CSMD1: variants seen among roughly 807,000 people sequenced by gnomAD.
The protein encoded by CSMD1 is CUB and Sushi multiple domains 1.
Under a neutral mutation model 417.5 loss-of-function variants are expected in CSMD1, and 213 were observed. The observed-to-expected ratio is 0.51, with a 90% CI of 0.46 to 0.57. The LOEUF (loss-of-function observed/expected upper bound fraction) is 0.57. Ranked by LOEUF, CSMD1 falls within the 20% of genes least tolerant of loss-of-function variation. CSMD1 has a pLI of 0.00. For missense variants in CSMD1, 6,923 were observed against 4,529.7 expected, an observed-to-expected ratio of 1.53 and a Z score of -15.17; for synonymous variants, 2,862 against 1,736.8, an observed-to-expected ratio of 1.65 and a Z score of -16.11.
intron 3 of CSMD1, among the ~76,000 whole-genome samples, chr8:4,158,665 T>A (rs1286005804): frequency 6.6e-6 from 1 of 152,148 alleles, no homozygotes; most frequent in African/African-American, 2.4e-5. Context: ...ATCAACGCCG[T>A]AATAATGAGT....
intron 2 of CSMD1, among the ~76,000 whole-genome samples, chr8:4,614,633 G>A (rs367663131): frequency 1.3e-4 from 20 of 151,786 alleles, no homozygotes; most frequent in African/African-American, 4.4e-4. Context: ...ACACGTACAC[G>A]TACACACACA....
At chr8:3,237,759 C>T (rs201818386) in intron 26 of CSMD1, among the ~76,000 whole-genome samples, 2,302 of 19,432 alleles carry the variant, frequency 0.12, 389 homozygotes, top group East Asian at 0.25. Flanking sequence ...ACTTATACTA[C>T]AAATATAATT....
intron 2 of CSMD1, among the ~76,000 whole-genome samples, chr8:4,544,452 T>G (rs775495777): frequency 2.0e-5 from 3 of 152,148 alleles, no homozygotes; most frequent in South Asian, 2.1e-4. Context: ...TGTAGTTTAC[T>G]CTTTCCTTGT....
intron 6 of CSMD1, among the ~76,000 whole-genome samples, chr8:3,743,220 T>G (rs1441048912): frequency 6.6e-6 from 1 of 152,210 alleles, no homozygotes; most frequent in East Asian, 1.9e-4. Flanking sequence ...CTGCCCTTTT[T>G]TTGTGGTTTT....
intron 1 of CSMD1, among the ~76,000 whole-genome samples, chr8:4,700,467 G>T (rs1807451873): frequency 6.6e-6 from 1 of 152,034 alleles, no homozygotes; most frequent in Non-Finnish European, 1.5e-5. Flanking sequence ...GAAACAACCT[G>T]CATATTCTTT....
chr8:3,639,666 G>C (rs887180640), intron 7 of CSMD1, among the ~76,000 whole-genome samples: 2 of 152,112 alleles, frequency 1.3e-5, no homozygotes, highest in African/African-American at 2.4e-5. Context: ...AACATAAGTG[G>C]AATGATGTAT....
chr8:4,388,136 A>C (rs1346100025), intron 3 of CSMD1, among the ~76,000 whole-genome samples: 2 of 152,178 alleles, frequency 1.3e-5, no homozygotes, highest in Non-Finnish European at 1.5e-5. Context: ...TAATTATTTA[A>C]AAACTTACTT....
chr8:3,737,656 T>A (rs1013414842), intron 6 of CSMD1, among the ~76,000 whole-genome samples: 2 of 152,188 alleles, frequency 1.3e-5, no homozygotes, highest in South Asian at 2.1e-4. Context: ...GCCCCAACAA[T>A]CCACACTGAC....
At chr8:3,360,139 T>C (rs1242266597) in intron 20 of CSMD1, among the ~76,000 whole-genome samples, 4 of 152,208 alleles carry the variant, frequency 2.6e-5, no homozygotes, top group Non-Finnish European at 5.9e-5. Context: ...CAGTGGAATT[T>C]TCCTCTGTTT....
chr8:2,974,232 G>A (rs189840835), intron 56 of CSMD1, among the ~76,000 whole-genome samples: 3 of 152,312 alleles, frequency 2.0e-5, no homozygotes, highest in East Asian at 1.9e-4. Context: ...TGAGAACCCC[G>A]GAGGAGAACA....
chr8:4,616,649 A>G (rs1480178178), intron 2 of CSMD1, among the ~76,000 whole-genome samples: 1 of 152,194 alleles, frequency 6.6e-6, no homozygotes, highest in East Asian at 1.9e-4. Context: ...GGACATGCCA[A>G]CGCTTGAGAA....
intron 27 of CSMD1, 86 bp from the exon 28 acceptor site, chr8:3,223,953 C>T: frequency 7.4e-7 from 1 of 1,357,106 alleles, no homozygotes; most frequent in Non-Finnish European, 1.0e-6. Flanking sequence ...CCACAGAATT[C>T]TTTAAGAAAA....
chr8:4,735,014 T>C (rs1177889917), intron 1 of CSMD1, among the ~76,000 whole-genome samples: 1 of 152,206 alleles, frequency 6.6e-6, no homozygotes, highest in Non-Finnish European at 1.5e-5. Context: ...GCTCGGGTTG[T>C]TTGAAATCAC....
At chr8:4,104,444 A>G (rs1229282930) in intron 3 of CSMD1, among the ~76,000 whole-genome samples, 2 of 151,686 alleles carry the variant, frequency 1.3e-5, no homozygotes, top group African/African-American at 4.9e-5. Flanking sequence ...GCATGCACAC[A>G]CACACACAGG....
chr8:4,857,785 C>A (rs993106263), intron 1 of CSMD1, among the ~76,000 whole-genome samples: 2 of 151,816 alleles, frequency 1.3e-5, no homozygotes, highest in Non-Finnish European at 2.9e-5. Context: ...GCTTACCAAC[C>A]AAAAAGAGTC....
rs528801806 is a variant in CSMD1, at chr8:3,976,815, G to A, written c.818+21088C>T. On this transcript the variant is annotated intron_variant, in intron 5 of 69. Transcript: ENST00000635120. ...CTCAAGGTCGCATGCCTGTAGAATA[G>A]CATCTGTGACCTCAACCACTGCACT... Among the ~76,000 whole-genome samples, 24 of 152,284 alleles carry A rather than the reference G, an allele frequency of 1.6e-4. No homozygotes were observed. In the South Asian group the frequency reaches 4.4e-3, roughly 28 times the overall value.
intron 1 of CSMD1, among the ~76,000 whole-genome samples, chr8:4,988,970 C>G (rs148566248): frequency 8.5e-5 from 13 of 152,304 alleles, no homozygotes; most frequent in Admixed American, 3.9e-4. Flanking sequence ...GTATCAAGGA[C>G]TAAAGTCCAT....
chr8:3,776,249 G>A (rs895687047), intron 5 of CSMD1, among the ~76,000 whole-genome samples: 2 of 152,136 alleles, frequency 1.3e-5, no homozygotes, highest in Non-Finnish European at 2.9e-5. Flanking sequence ...CAGCCTCCCT[G>A]CTTCTATCCT....
intron 2 of CSMD1, among the ~76,000 whole-genome samples, chr8:4,441,625 T>A (rs1418428049): frequency 6.6e-6 from 1 of 152,180 alleles, no homozygotes; most frequent in African/African-American, 2.4e-5. Flanking sequence ...CTTCACCACC[T>A]AGGTATTTAA....
Sources: allele counts gnomAD v4.1 joint callset (sites outside exome capture counted in the v4.1 genomes callset), GRCh38; gene constraint gnomAD v4.1.1; transcripts MANE v1.5; gene names NCBI Gene and HGNC (gene_info 2026-07-23, HGNC 2026-07-21).